The following SEL1L3 variants were observed in gnomAD, a reference collection of about 807,000 sequenced individuals.
SEL1L3 encodes the protein SEL1L family member 3, also known as protein sel-1 homolog 3.
Under a neutral mutation model 142.8 loss-of-function variants are expected in SEL1L3, and 76 were observed. The observed-to-expected ratio is 0.53, with a 90% CI of 0.44 to 0.64. The LOEUF (loss-of-function observed/expected upper bound fraction) is 0.64. Ranked by LOEUF, SEL1L3 falls within the 30% of genes least tolerant of loss-of-function variation. The pLI is 0.00. For missense variants in SEL1L3, 1,262 were observed against 1,381.7 expected (o/e 0.91, Z 1.37); for synonymous variants, 504 against 519.6 (o/e 0.97, Z 0.41).
At chr4:25,771,069 T>C (rs1719149030) in intron 17 of SEL1L3, among the ~76,000 whole-genome samples, 1 of 152,280 alleles carries the variant, frequency 6.6e-6, no homozygotes, top group African/African-American at 2.4e-5. Flanking sequence ...TTTAGCCTTC[T>C]AGCACTTTGC....
chr4:25,726,096 C>T, the SEL1L3 span, among the ~76,000 whole-genome samples: 2 of 152,122 alleles, frequency 1.3e-5, no homozygotes, highest in African/African-American at 4.8e-5. Flanking sequence ...CTGGTTTGAA[C>T]GCCTCTGATG....
rs115265894 is a variant in SEL1L3, at chr4:25,799,861, T to C, written c.1956+2422A>G. ...AGTATTATCATATGCGGAGTGCAGC[T>C]GAAACCAGAGGTGTAGATGAGATCT... On this transcript the variant is annotated intron_variant, in intron 11 of 23. Coordinates refer to ENST00000399878, the MANE Select transcript of SEL1L3 (RefSeq NM_015187.5). Among the ~76,000 whole-genome samples the C allele has an allele frequency of 2.7e-3, 417 of 152,282 alleles. 7 individuals are homozygous for C. The highest frequency in any genetic ancestry group is 9.7e-3 in the African/African-American group (404 of 41,558).
chr4:25,816,456 G>C (rs1003360923), intron 9 of SEL1L3, among the ~76,000 whole-genome samples: 1 of 152,126 alleles, frequency 6.6e-6, no homozygotes, highest in Admixed American at 6.6e-5. Flanking sequence ...CCACATCCAA[G>C]CAGCCATGGA....
chr4:25,786,730 A>G (rs1295061016), intron 13 of SEL1L3, among the ~76,000 whole-genome samples: 1 of 152,214 alleles, frequency 6.6e-6, no homozygotes, highest in Non-Finnish European at 1.5e-5. Context: ...CCTGAATGGA[A>G]TGGATGCTTA....
chr4:25,863,017 C>A (rs1008459923), upstream of SEL1L3: 3 of 200,862 alleles, frequency 1.5e-5, no homozygotes, highest in Non-Finnish European at 2.5e-5. Flanking sequence ...GCCCCCGCAG[C>A]CCCAGCCGAG....
intron 14 of SEL1L3, 92 bp from the exon 15 acceptor site, chr4:25,782,510 C>T: frequency 9.2e-7 from 1 of 1,091,626 alleles, no homozygotes; most frequent in South Asian, 1.7e-5. Flanking sequence ...CTGCCTAAGT[C>T]TGAACAAAAC....
Position 25,757,616 on chromosome 4 carries a change from T to G in SEL1L3, c.3187-10A>C, listed in dbSNP as rs1313822917. 2.6e-6 allele frequency: 4 copies of G among 1,554,046 alleles called. No individual in the cohort carries two copies. The highest frequency in any genetic ancestry group is 3.5e-6 in the Non-Finnish European group (4 of 1,148,578). On this transcript the variant is annotated splice_polypyrimidine_tract_variant and intron_variant, in intron 22 of 23. Coordinates refer to ENST00000399878, the MANE Select transcript of SEL1L3 (RefSeq NM_015187.5). ...TTCCCAGAAAGTAGATCTGCAAACA[T>G]CAGAAGCACGCATTAGTGACTGACA...
intron 20 of SEL1L3, among the ~76,000 whole-genome samples, chr4:25,760,946 C>T (rs534053413): frequency 6.6e-6 from 1 of 152,270 alleles, no homozygotes; most frequent in African/African-American, 2.4e-5. Context: ...CCCAAGGTTA[C>T]ACAGCTGGAA....
the SEL1L3 span, among the ~76,000 whole-genome samples, chr4:25,736,949 T>C: frequency 3.3e-5 from 5 of 151,936 alleles, no homozygotes; most frequent in African/African-American, 1.2e-4. Context: ...TGACTATTAG[T>C]ACCTTTTAAT....
At position 25,767,573 on chromosome 4, in the gene SEL1L3, A is replaced by G. The variant is rs1464631416; in HGVS notation, c.2797T>C (p.Trp933Arg). 2.5e-6 allele frequency: 4 copies of G among 1,601,400 alleles called. No individual in the cohort carries two copies. The highest frequency in any genetic ancestry group is 3.4e-6 in the Non-Finnish European group (4 of 1,171,754). Reference sequence around the variant, plus strand: ...AAAACAGAGAAATTATAGTATCTCCAAACACAGTTAACACCCAAGTATCTC... The same window carrying G: ...AAAACAGAGAAATTATAGTATCTCCGAACACAGTTAACACCCAAGTATCTC... ...ARRYLGVNCVWRYYNFSVFQI... is the reference protein window; with the variant it reads ...ARRYLGVNCVRRYYNFSVFQI... The change falls in exon 19 of 24, where the codon TGG (tryptophan) becomes CGG (arginine). Residue 933 changes from tryptophan (W) to arginine (R), a missense_variant. Trp to Arg is a moderately radical substitution (Grantham distance 101). This residue lies in a region of SEL1L3 where 435 missense variants were observed against 559.2 expected (regional missense o/e 0.78). Transcript: ENST00000399878.
chr4:25,765,419 T>C lies in SEL1L3; in HGVS notation c.2862A>G (p.Gly954=). ...DAPSFAYLKM[G]DLYYYGHQNQ... The stretch of plus-strand genomic sequence containing the variant: ...TTTGGTGGCCATAGTAGTAAAGGTC[T>C]CCCATCTTCAAATATGCTGCAGGAA... Residue 954 remains glycine (G), a synonymous_variant, in exon 20 of 24, where the codon GGA becomes GGG. Transcript: ENST00000399878. The C allele has an allele frequency of 1.2e-6, 2 of 1,610,418 alleles. No individual in the cohort carries two copies. Among genetic ancestry groups the C allele is most frequent in the Non-Finnish European group, 1.7e-6 (2 of 1,176,640 alleles).
rs554462109 is a variant in SEL1L3 at position 25,841,916 on chromosome 4, C to T, written c.733+5378G>A. On this transcript the variant is annotated intron_variant, in intron 2 of 23. Coordinates refer to ENST00000399878, the MANE Select transcript of SEL1L3 (RefSeq NM_015187.5). Reference sequence around the variant, plus strand: ...CGGAGGGTGCAGTGAGCTGAGATCGCGCCACTGCACTCCAGCCTGGGTGAC... The same window carrying T: ...CGGAGGGTGCAGTGAGCTGAGATCGTGCCACTGCACTCCAGCCTGGGTGAC... Among the ~76,000 whole-genome samples, 7 of 152,142 alleles carry T rather than the reference C, an allele frequency of 4.6e-5. No homozygotes were observed. In the East Asian group the frequency reaches 5.8e-4, roughly 13 times the overall value.
intron 23 of SEL1L3, among the ~76,000 whole-genome samples, chr4:25,751,162 C>A (rs1717563143): frequency 6.6e-6 from 1 of 152,104 alleles, no homozygotes; most frequent in Non-Finnish European, 1.5e-5. Flanking sequence ...TGGCTCCAGA[C>A]ATATACTTTG....
intron 1 of SEL1L3, among the ~76,000 whole-genome samples, chr4:25,853,586 T>C (rs1717042272): frequency 6.6e-6 from 1 of 152,112 alleles, no homozygotes; most frequent in Non-Finnish European, 1.5e-5. Flanking sequence ...TTATATTAAT[T>C]GTATGTTGAC....
the SEL1L3 span, among the ~76,000 whole-genome samples, chr4:25,714,608 C>G: frequency 6.9e-6 from 1 of 143,936 alleles, no homozygotes; most frequent in Non-Finnish European, 1.5e-5. Flanking sequence ...GTCTTGCTCT[C>G]TCACCCAGGC....
At chr4:25,729,739 T>C in the SEL1L3 span, among the ~76,000 whole-genome samples, 4 of 151,312 alleles carry the variant, frequency 2.6e-5, no homozygotes, top group African/African-American at 9.7e-5. Context: ...ACAAAACATA[T>C]ATTTAGCCAA....
chr4:25,850,638 C>A (rs529221311), intron 1 of SEL1L3, among the ~76,000 whole-genome samples: 10 of 151,806 alleles, frequency 6.6e-5, no homozygotes, highest in Non-Finnish European at 1.2e-4. Flanking sequence ...TGTAGATTTT[C>A]ACACCAGTAC....
intron 1 of SEL1L3, chr4:25,860,650 CAA>C (rs974681049): frequency 6.6e-6 from 1 of 152,174 alleles, no homozygotes; most frequent in Non-Finnish European, 1.5e-5. Context: ...TCTTGTTTAT[CAA>C]AGTCTGTCTT....
chr4:25,798,820 C>T (rs1712972697), intron 11 of SEL1L3, among the ~76,000 whole-genome samples: 1 of 151,922 alleles, frequency 6.6e-6, no homozygotes, highest in African/African-American at 2.4e-5. Context: ...AAGAGTGAGA[C>T]TCTGTTTCAA....
Sources: allele counts gnomAD v4.1 joint callset (sites outside exome capture counted in the v4.1 genomes callset), GRCh38; gene constraint gnomAD v4.1.1; regional missense constraint gnomAD v4.1.1; transcripts MANE v1.5; gene names NCBI Gene and HGNC (gene_info 2026-07-23, HGNC 2026-07-21).